Variants in PUM1 observed in about 807,000 individuals in gnomAD.
The protein encoded by PUM1 is pumilio homolog 1.
Under a neutral mutation model 131.8 loss-of-function variants are expected in PUM1, and 13 were observed. The ratio of observed to expected loss-of-function variants is 0.10; its 90% CI spans 0.06 to 0.16. The LOEUF is 0.16. Ranked by LOEUF, PUM1 falls within the 10% of genes least tolerant of loss-of-function variation. The pLI is 1.00. For synonymous variants in PUM1, 509 were observed against 556.5 expected, an observed-to-expected ratio of 0.91 and a Z score of 1.20; for missense variants, 961 against 1,512.4, an observed-to-expected ratio of 0.64 and a Z score of 6.05.
chr1:31,006,920 T>C (rs1014921663), intron 4 of PUM1, 74 bp downstream of exon 4: 1 of 1,157,136 alleles, frequency 8.6e-7, no homozygotes, highest in African/African-American at 1.5e-5. Context: ...GTAAAATTCA[T>C]GACTTGCCAA....
rs1193998395 is a variant in PUM1 at position 30,932,006 on chromosome 1, A to T, written c.*1205T>A. ...TTGAGACTAGATGACAAATAAAACC[A>T]AGCTATTTTTTTCTTTTTAAACATT... is the stretch of plus-strand genomic sequence containing the variant. On this transcript the variant is annotated 3_prime_UTR_variant, in exon 22 of 22. Transcript: ENST00000426105. The T allele has an allele frequency of 6.6e-6, 1 of 152,646 alleles. No homozygotes were observed. Among genetic ancestry groups the T allele is most frequent in the Non-Finnish European group, 1.5e-5 (1 of 68,044 alleles). 9.5% of individuals were successfully genotyped at this position (152,646 alleles called of 1,614,324 possible).
At chr1:30,944,423 A>G (rs1349824862) in intron 18 of PUM1, among the ~76,000 whole-genome samples, 1 of 152,222 alleles carries the variant, frequency 6.6e-6, no homozygotes, top group East Asian at 1.9e-4. Flanking sequence ...AACAAACAAA[A>G]AAACACAAAA....
chr1:30,968,552 T>C, intron 10 of PUM1, 60 bp from the exon 11 acceptor site: 2 of 1,538,926 alleles, frequency 1.3e-6, no homozygotes, highest in Non-Finnish European at 1.7e-6. Flanking sequence ...AGACCTACCC[T>C]ATGCTCAGGT....
At chr1:30,950,807 G>A (rs1373694492) in intron 16 of PUM1, among the ~76,000 whole-genome samples, 4 of 152,220 alleles carry the variant, frequency 2.6e-5, no homozygotes, top group Non-Finnish European at 5.9e-5. Flanking sequence ...GTTACAGTGA[G>A]CTGAGATAGC....
At chr1:30,975,772 C>T (rs191259864) in intron 9 of PUM1, among the ~76,000 whole-genome samples, 4 of 151,964 alleles carry the variant, frequency 2.6e-5, no homozygotes, top group Non-Finnish European at 5.9e-5. Flanking sequence ...AATACAACAC[C>T]TTGACTTGTT....
intron 10 of PUM1, among the ~76,000 whole-genome samples, chr1:30,972,542 G>A (rs1252122512): frequency 6.7e-6 from 1 of 149,488 alleles, no homozygotes; most frequent in Non-Finnish European, 1.5e-5. Context: ...GGGAGGCCGA[G>A]GGGGGTGGAT....
chr1:30,946,243 C>T (rs1639659525), intron 17 of PUM1, among the ~76,000 whole-genome samples: 1 of 151,824 alleles, frequency 6.6e-6, no homozygotes, highest in Admixed American at 6.6e-5. Flanking sequence ...CCCTAATTTA[C>T]AGAACATCAT....
chr1:30,978,143 G>A (rs1302346463), intron 9 of PUM1, among the ~76,000 whole-genome samples: 2 of 152,170 alleles, frequency 1.3e-5, no homozygotes, highest in African/African-American at 4.8e-5. Flanking sequence ...TATTCAGGAG[G>A]TTGAGGTAGG....
intron 2 of PUM1, among the ~76,000 whole-genome samples, chr1:31,047,645 G>C (rs1267547747): frequency 3.3e-5 from 5 of 152,212 alleles, no homozygotes; most frequent in Non-Finnish European, 5.9e-5. Flanking sequence ...TGAAAAACAA[G>C]TAATAACATC....
At chr1:31,029,158 A>G (rs1354176478) in intron 2 of PUM1, among the ~76,000 whole-genome samples, 1 of 152,266 alleles carries the variant, frequency 6.6e-6, no homozygotes, top group African/African-American at 2.4e-5. Flanking sequence ...GCTATTTCTC[A>G]TACTTTTTAA....
chr1:30,949,991 C>G lies in PUM1; in HGVS notation c.2856+136G>C. 2.1e-6 allele frequency: 2 copies of G among 934,936 alleles called. 1 individual carries two copies. The highest frequency in any genetic ancestry group is 3.1e-6 in the Non-Finnish European group (2 of 637,460). The allele number at this position is 934,936 out of a possible 1,614,324, so 57.9% of individuals were successfully genotyped here. On this transcript the variant is annotated intron_variant, in intron 17 of 21. Transcript: ENST00000426105. ...AATTATTTGCACAGTTCATGCTTGCCATGCACAAAAAGGCAGCCATAAGCA... is the reference window on the plus strand; with the variant it reads ...AATTATTTGCACAGTTCATGCTTGCGATGCACAAAAAGGCAGCCATAAGCA...
chr1:30,959,546 G>GA (rs962239862), intron 14 of PUM1, among the ~76,000 whole-genome samples: 1 of 152,102 alleles, frequency 6.6e-6, no homozygotes, highest in African/African-American at 2.4e-5. Context: ...ATTAATATCT[G>GA]AAAATCAATT....
At chr1:30,966,891 G>T (rs1426106899) in intron 12 of PUM1, among the ~76,000 whole-genome samples, 1 of 151,984 alleles carries the variant, frequency 6.6e-6, no homozygotes, top group Non-Finnish European at 1.5e-5. Context: ...CATTTTGTGT[G>T]AGTAATGCAA....
chr1:31,025,241 T>G (rs1404079731), intron 3 of PUM1, among the ~76,000 whole-genome samples: 1 of 152,152 alleles, frequency 6.6e-6, no homozygotes, highest in African/African-American at 2.4e-5. Context: ...CCTTTCAAAG[T>G]GACACCAAGA....
At chr1:31,042,811 C>T (rs998948574) in intron 2 of PUM1, among the ~76,000 whole-genome samples, 3 of 152,246 alleles carry the variant, frequency 2.0e-5, no homozygotes, top group African/African-American at 4.8e-5. Context: ...GTTGCCCAGG[C>T]TGGAGTGCAG....
At chr1:31,052,860 C>A (rs1389036015) in intron 2 of PUM1, among the ~76,000 whole-genome samples, 1 of 151,572 alleles carries the variant, frequency 6.6e-6, no homozygotes, top group Non-Finnish European at 1.5e-5. Flanking sequence ...CGCGCCACGA[C>A]GCCCGGCTGA....
chr1:30,957,692 C>T (rs74065548), intron 14 of PUM1, among the ~76,000 whole-genome samples: 3,182 of 152,298 alleles, frequency 0.021, 121 homozygotes, highest in African/African-American at 0.072. Context: ...CATGCCCATG[C>T]TACGTCAAAT....
chr1:31,020,039 A>G (rs529757021), intron 3 of PUM1, among the ~76,000 whole-genome samples: 41 of 152,298 alleles, frequency 2.7e-4, no homozygotes, highest in Non-Finnish European at 4.3e-4. Flanking sequence ...CCCAATAAGT[A>G]GTTTTTCAAC....
chr1:31,038,296 A>T (rs1643683913), intron 2 of PUM1, among the ~76,000 whole-genome samples: 1 of 152,064 alleles, frequency 6.6e-6, no homozygotes, highest in Non-Finnish European at 1.5e-5. Context: ...CTGAGGGGGT[A>T]GAAATTATTT....
Sources: gnomAD v4.1 joint callset for allele counts (sites outside exome capture counted in the v4.1 genomes callset) on GRCh38, gnomAD v4.1.1 for gene constraint, MANE v1.5 for transcripts, NCBI Gene and HGNC (gene_info 2026-07-23, HGNC 2026-07-21) for gene names.